Variants in CADPS observed in about 807,000 individuals in gnomAD.
CADPS encodes the protein calcium dependent secretion activator.
In CADPS, 57 loss-of-function variants were observed where a neutral mutation model predicts 167.3. The observed-to-expected ratio is 0.34, with a 90% CI of 0.28 to 0.42. CADPS has a LOEUF of 0.42. CADPS is among the 20% of genes least tolerant of loss of function. The pLI is 1.00. For synonymous variants in CADPS, 676 were observed against 635.3 expected, an observed-to-expected ratio of 1.06 and a Z score of -0.96; for missense variants, 1,414 against 1,738.1, an observed-to-expected ratio of 0.81 and a Z score of 3.32.
intron 11 of CADPS, among the ~76,000 whole-genome samples, chr3:62,536,895 A>C (rs1450049884): frequency 6.6e-6 from 1 of 152,134 alleles, no homozygotes; most frequent in East Asian, 1.9e-4. Flanking sequence ...TTCACCAAAC[A>C]CTGAAAGCAG....
In CADPS at chr3:62,478,515, C is replaced by T; in HGVS notation, c.3174-99G>A. ...CTGGGGGCTAGAAGGCAAACAGCAG[C>T]TTCAACATACAAAACAACGTGTGTT... On this transcript the variant is annotated intron_variant, in intron 22 of 29. Coordinates refer to ENST00000383710, the MANE Select transcript of CADPS (RefSeq NM_003716.4). The surrounding 1 kb of genome is among the most constrained non-coding windows in gnomAD (Gnocchi z 5.7). The T allele has an allele frequency of 9.0e-7, 1 of 1,114,052 alleles. No homozygotes were observed. The allele number at this position is 1,114,052 out of a possible 1,614,324, so 69.0% of individuals were successfully genotyped here. A position where few individuals can be genotyped will look rare whatever the true frequency, so the allele number is the denominator to read the frequency against.
chr3:62,419,139 A>G, intron 28 of CADPS, among the ~76,000 whole-genome samples: 1 of 152,188 alleles, frequency 6.6e-6, no homozygotes, highest in East Asian at 1.9e-4. Flanking sequence ...TGGCTCTCTT[A>G]TGTACCTGAA....
intron 10 of CADPS, among the ~76,000 whole-genome samples, chr3:62,553,974 C>T (rs1187401450): frequency 6.6e-6 from 1 of 152,130 alleles, no homozygotes; most frequent in Non-Finnish European, 1.5e-5. Flanking sequence ...GGAGGCAGAC[C>T]AGGCAAAGGA....
chr3:62,543,477 A>G (rs1444004564), intron 11 of CADPS, among the ~76,000 whole-genome samples: 1 of 152,142 alleles, frequency 6.6e-6, no homozygotes, highest in African/African-American at 2.4e-5. Context: ...GCAAAATCCT[A>G]AATTCCCACT....
intron 3 of CADPS, among the ~76,000 whole-genome samples, chr3:62,676,780 T>C (rs1209981931): frequency 6.6e-6 from 1 of 152,182 alleles, no homozygotes; most frequent in Non-Finnish European, 1.5e-5. Context: ...CCGTGCTTAA[T>C]AGATTCTGTC....
At chr3:62,660,544 C>T (rs753848999) in intron 4 of CADPS, among the ~76,000 whole-genome samples, 1 of 152,186 alleles carries the variant, frequency 6.6e-6, no homozygotes, top group Non-Finnish European at 1.5e-5. Context: ...AGTAAAACTG[C>T]TTAAGCACAG....
At chr3:62,775,790 G>A (rs2090130380) in intron 1 of CADPS, among the ~76,000 whole-genome samples, 1 of 152,230 alleles carries the variant, frequency 6.6e-6, no homozygotes, top group Non-Finnish European at 1.5e-5. Context: ...TTTATGCATA[G>A]TTACCATTTC....
At position 62,596,566 on chromosome 3, in the gene CADPS, C is replaced by G. The variant is rs539130921; in HGVS notation, c.1326-3818G>C. Among the ~76,000 whole-genome samples, 49 of 152,262 alleles carry G rather than the reference C, an allele frequency of 3.2e-4. No homozygotes were observed. The South Asian group carries it at 9.7e-3, about 30-fold the overall frequency. On this transcript the variant is annotated intron_variant, in intron 6 of 29. Transcript: ENST00000383710. ...GTCAGAGTAATTAGCATATCCATCA[C>G]CTCAAATATTTATCATTTTTTGTAT... is the stretch of plus-strand genomic sequence containing the variant.
At chr3:62,630,507 C>T (rs1436277376) in intron 6 of CADPS, among the ~76,000 whole-genome samples, 1 of 152,064 alleles carries the variant, frequency 6.6e-6, no homozygotes, top group East Asian at 1.9e-4. Context: ...CACCACCACA[C>T]CCAGCTTTTT....
chr3:62,535,898 A>G (rs2152030424), intron 12 of CADPS: 1 of 152,294 alleles, frequency 6.6e-6, no homozygotes, highest in South Asian at 2.1e-4. Flanking sequence ...GCACCATAAA[A>G]AATTCCCTGA....
rs1329837008 is a variant in CADPS at position 62,863,983 on chromosome 3, G to T, written c.441+10606C>A. On this transcript the variant is annotated intron_variant, in intron 1 of 29. Transcript: ENST00000383710. ...CATGGAGGTCAATGCTCCTCCAAGTGTGCTCTGTAGACCTGTGTCATCTGT... is the reference window on the plus strand; with the variant it reads ...CATGGAGGTCAATGCTCCTCCAAGTTTGCTCTGTAGACCTGTGTCATCTGT... 2.0e-5 allele frequency among the ~76,000 whole-genome samples: 3 copies of T among 152,198 alleles called. No individual in the cohort carries two copies. The East Asian group carries it at 5.8e-4, about 29-fold the overall frequency.
At chr3:62,870,230 G>A (rs1030519130) in intron 1 of CADPS, among the ~76,000 whole-genome samples, 11 of 152,058 alleles carry the variant, frequency 7.2e-5, no homozygotes, top group East Asian at 1.9e-4. Context: ...TGGTTTAATC[G>A]TCACTTTGTT....
intron 1 of CADPS, among the ~76,000 whole-genome samples, chr3:62,776,307 GA>G (rs1481935874): frequency 6.6e-6 from 1 of 152,204 alleles, no homozygotes; most frequent in Non-Finnish European, 1.5e-5. Context: ...TTAATTCAAA[GA>G]ATGGTGGGAA....
intron 27 of CADPS, among the ~76,000 whole-genome samples, chr3:62,444,708 C>T (rs748899604): frequency 2.4e-4 from 37 of 152,292 alleles, no homozygotes; most frequent in Non-Finnish European, 4.1e-4. Flanking sequence ...TATGCTAATG[C>T]TAAATTCACT....
At chr3:62,549,775 A>G (rs2077039149) in intron 11 of CADPS, 128 bp downstream of exon 11, 1 of 738,272 alleles carries the variant, frequency 1.4e-6, no homozygotes, top group Non-Finnish European at 2.2e-6. Flanking sequence ...CCCTGAATTC[A>G]CTATATGTTT....
chr3:62,626,331 G>A (rs1203653159), intron 6 of CADPS: 1 of 463,178 alleles, frequency 2.2e-6, no homozygotes, highest in Non-Finnish European at 3.8e-6. Context: ...CACTTTGCAA[G>A]CTGGCACGGA....
chr3:62,445,636 G>A, intron 27 of CADPS, 129 bp downstream of exon 27: 2 of 560,618 alleles, frequency 3.6e-6, no homozygotes, highest in Non-Finnish European at 5.8e-6. Flanking sequence ...ATCCAAGTCA[G>A]CAACACACAG....
At chr3:62,801,908 A>T (rs140898478) in intron 1 of CADPS, among the ~76,000 whole-genome samples, 1 of 152,248 alleles carries the variant, frequency 6.6e-6, no homozygotes, top group African/African-American at 2.4e-5. Flanking sequence ...CCTGAATCTT[A>T]ATTTTTTTCT....
chr3:62,831,752 A>C (rs1165795830), intron 1 of CADPS, among the ~76,000 whole-genome samples: 4 of 152,230 alleles, frequency 2.6e-5, no homozygotes, highest in Non-Finnish European at 5.9e-5. Flanking sequence ...AAATCACTAC[A>C]TAAAAAGCAG....
Sources: allele counts gnomAD v4.1 joint callset (sites outside exome capture counted in the v4.1 genomes callset), GRCh38; gene constraint gnomAD v4.1.1; non-coding constraint Gnocchi (gnomAD v3.1); transcripts MANE v1.5; gene names NCBI Gene and HGNC (gene_info 2026-07-23, HGNC 2026-07-21).